The following MSRA variants were observed in gnomAD, a reference collection of about 807,000 sequenced individuals.
MSRA encodes the protein methionine sulfoxide reductase A.
MSRA carries 54 observed loss-of-function variants against 31.3 expected under a neutral mutation model. The ratio of observed to expected loss-of-function variants is 1.73; its 90% CI spans 1.39 to 2.17. The LOEUF is 2.17. Among genes scored for constraint, MSRA ranks in the 30% most tolerant of loss-of-function variants. MSRA has a pLI of 0.00. For synonymous variants in MSRA, 169 were observed against 116.5 expected (o/e 1.45, Z -2.90); for missense variants, 507 against 300.9 (o/e 1.69, Z -5.07).
intron 1 of MSRA, among the ~76,000 whole-genome samples, chr8:10,160,759 A>C (rs530697139): frequency 1.9e-4 from 29 of 151,466 alleles, no homozygotes; most frequent in Admixed American, 1.8e-3. Context: ...TGAACTCCTG[A>C]CCTCGTGATC....
Position 10,319,916 on chromosome 8 carries a change from A to G in MSRA, c.470A>G (p.Tyr157Cys), listed in dbSNP as rs1476562648. 1.3e-6 allele frequency: 2 copies of G among 1,596,968 alleles called. No individual in the cohort carries two copies. Among genetic ancestry groups the G allele is most frequent in the Non-Finnish European group, 1.7e-6 (2 of 1,172,300 alleles). Reference sequence around the variant, plus strand: ...CAGGGGAACGACCATGGCACTCAGTACCGCTCGGCCATCTACCCGACCTCT... The same window carrying G: ...CAGGGGAACGACCATGGCACTCAGTGCCGCTCGGCCATCTACCCGACCTCT... Reference protein sequence around the residue: ...MRQGNDHGTQYRSAIYPTSAK... With the variant: ...MRQGNDHGTQCRSAIYPTSAK... Residue 157 changes from tyrosine (Y) to cysteine (C), a missense_variant, in exon 5 of 6, where the codon TAC becomes TGC. By Grantham distance (194) the Tyr-to-Cys change is radical (BLOSUM62 -2). Coordinates refer to ENST00000317173, the MANE Select transcript of MSRA (RefSeq NM_012331.5).
chr8:10,091,386 A>T (rs1394153398), intron 1 of MSRA, among the ~76,000 whole-genome samples: 2 of 152,194 alleles, frequency 1.3e-5, no homozygotes, highest in African/African-American at 4.8e-5. Flanking sequence ...ATTTTTTGTG[A>T]TGTCACATAT....
intron 5 of MSRA, among the ~76,000 whole-genome samples, chr8:10,398,686 C>T (rs1361952391): frequency 6.6e-6 from 1 of 152,212 alleles, no homozygotes; most frequent in Non-Finnish European, 1.5e-5. Flanking sequence ...CGCTCTCCTT[C>T]TTCTGGAAGC....
Position 10,428,872 on chromosome 8 carries a change from CT to C in MSRA, c.*561del. 1 of 152,956 alleles carries C rather than the reference CT, an allele frequency of 6.5e-6. No homozygotes were observed. The highest frequency in any genetic ancestry group is 1.5e-5 in the Non-Finnish European group (1 of 68,604). 9.5% of individuals were successfully genotyped at this position (152,956 alleles called of 1,614,324 possible). On this transcript the variant is annotated 3_prime_UTR_variant, in exon 6 of 6. Coordinates refer to ENST00000317173, the MANE Select transcript of MSRA (RefSeq NM_012331.5). ...GAGAAATGTTTGTTTTAATAAAAAC[CT>C]ACAGTCCAATAATGCCAACTGCCTG...
intron 3 of MSRA, among the ~76,000 whole-genome samples, chr8:10,276,512 G>A (rs1210835830): frequency 6.6e-6 from 1 of 152,160 alleles, no homozygotes; most frequent in East Asian, 1.9e-4. Flanking sequence ...CCATCTCCAA[G>A]GCATTAAGCC....
chr8:10,318,216 A>C (rs73534596), intron 4 of MSRA, among the ~76,000 whole-genome samples: 1 of 152,336 alleles, frequency 6.6e-6, no homozygotes, highest in South Asian at 2.1e-4. Flanking sequence ...TTTACCTGCT[A>C]TGTGACCTCA....
At chr8:10,132,107 A>G (rs1585219463) in intron 1 of MSRA, among the ~76,000 whole-genome samples, 1 of 152,148 alleles carries the variant, frequency 6.6e-6, no homozygotes. Context: ...TTGCCAATAC[A>G]ATTCTCAAGG....
chr8:10,320,029 C>T (rs1463298447), intron 5 of MSRA, 40 bp downstream of exon 5: 10 of 1,365,960 alleles, frequency 7.3e-6, no homozygotes, highest in Admixed American at 2.0e-5. Context: ...CTTAGGCCAC[C>T]ATGACTAGGG....
intron 5 of MSRA, among the ~76,000 whole-genome samples, chr8:10,408,114 T>G (rs1342611763): frequency 6.6e-6 from 1 of 152,160 alleles, no homozygotes; most frequent in Non-Finnish European, 1.5e-5. Flanking sequence ...CAGACAGAAC[T>G]GGCTCACTGT....
At chr8:10,086,338 G>A (rs1798557018) in intron 1 of MSRA, among the ~76,000 whole-genome samples, 1 of 152,156 alleles carries the variant, frequency 6.6e-6, no homozygotes, top group African/African-American at 2.4e-5. Context: ...AGGTTTTTGA[G>A]AAAAAGTCAA....
At chr8:10,333,871 C>G (rs1802857451) in intron 5 of MSRA, among the ~76,000 whole-genome samples, 1 of 152,140 alleles carries the variant, frequency 6.6e-6, no homozygotes, top group African/African-American at 2.4e-5. Context: ...TCCATGAGCA[C>G]TTCACACAAG....
intron 5 of MSRA, among the ~76,000 whole-genome samples, chr8:10,358,533 G>T (rs528404993): frequency 1.5e-5 from 2 of 133,314 alleles, no homozygotes; most frequent in East Asian, 2.7e-4. Context: ...CCTCAGCTCC[G>T]CCTCCTGTCA....
intron 5 of MSRA, among the ~76,000 whole-genome samples, chr8:10,422,749 C>A (rs547346956): frequency 6.6e-6 from 1 of 152,294 alleles, no homozygotes; most frequent in East Asian, 1.9e-4. Flanking sequence ...GTACCTGGCC[C>A]CACAGGCTGC....
chr8:10,348,846 G>C (rs1030156921), intron 5 of MSRA, among the ~76,000 whole-genome samples: 1 of 152,168 alleles, frequency 6.6e-6, no homozygotes, highest in Non-Finnish European at 1.5e-5. Context: ...GCTTGGGGGG[G>C]ACAAGGCACA....
At chr8:10,362,471 A>T (rs1350777701) in intron 5 of MSRA, among the ~76,000 whole-genome samples, 1 of 151,470 alleles carries the variant, frequency 6.6e-6, no homozygotes, top group Non-Finnish European at 1.5e-5. Flanking sequence ...CAAAAAAAAA[A>T]AAAAAAAAAA....
chr8:10,291,568 G>A (rs1042086106), intron 3 of MSRA, among the ~76,000 whole-genome samples: 3 of 152,088 alleles, frequency 2.0e-5, no homozygotes, highest in Non-Finnish European at 4.4e-5. Flanking sequence ...AGGAGCTGGA[G>A]ATGAAACCGA....
chr8:10,241,288 C>T (rs560020112), intron 2 of MSRA, among the ~76,000 whole-genome samples: 69 of 152,212 alleles, frequency 4.5e-4, no homozygotes, highest in Non-Finnish European at 7.9e-4. Flanking sequence ...CTGGGACATC[C>T]TGTCAAACCA....
chr8:10,318,009 GT>G (rs1237743030), intron 4 of MSRA, among the ~76,000 whole-genome samples: 1 of 152,186 alleles, frequency 6.6e-6, no homozygotes, highest in Non-Finnish European at 1.5e-5. Context: ...CCTCTTCACA[GT>G]CCTCAGAACG....
At chr8:10,329,239 G>A (rs1180579140) in intron 5 of MSRA, among the ~76,000 whole-genome samples, 1 of 152,202 alleles carries the variant, frequency 6.6e-6, no homozygotes, top group Non-Finnish European at 1.5e-5. Flanking sequence ...CCAGAGGGCA[G>A]AAGCCCAAAG....
Sources: gnomAD v4.1 joint callset for allele counts (sites outside exome capture counted in the v4.1 genomes callset) on GRCh38, gnomAD v4.1.1 for gene constraint, MANE v1.5 for transcripts, NCBI Gene and HGNC (gene_info 2026-07-23, HGNC 2026-07-21) for gene names.